Variants in PCSK6 observed in about 807,000 individuals in gnomAD.
PCSK6 encodes the protein paired basic amino acid cleaving enzyme 4.
PCSK6 carries 85 observed loss-of-function variants against 123.3 expected under a neutral mutation model. The observed-to-expected ratio is 0.69, with a 90% CI of 0.58 to 0.83. The LOEUF is 0.83. Among genes scored for constraint, PCSK6 ranks in the 40% least tolerant of loss-of-function variants. The probability of loss-of-function intolerance (pLI) is 0.00; values close to 1 mark genes in which losing one functional copy is unlikely to be tolerated. For missense variants in PCSK6, 1,191 were observed against 1,282.3 expected, an observed-to-expected ratio of 0.93 and a Z score of 1.09; for synonymous variants, 508 against 516.0, an observed-to-expected ratio of 0.98 and a Z score of 0.21.
chr15:101,337,510 AAAAT>A (rs1428016666), intron 13 of PCSK6: 1 of 152,246 alleles, frequency 6.6e-6, no homozygotes, highest in African/African-American at 2.4e-5. Context: ...AAGAAAAATA[AAAAT>A]AAATCACCTA....
chr15:101,452,816 G>GT (rs35966662), intron 1 of PCSK6, among the ~76,000 whole-genome samples: 106,529 of 151,902 alleles, frequency 0.7, 38,795 homozygotes, highest in African/African-American at 0.89. Flanking sequence ...AAGACCGGTG[G>GT]AATTCCCCGG....
chr15:101,326,242 C>T, intron 16 of PCSK6, 135 bp downstream of exon 16: 1 of 633,816 alleles, frequency 1.6e-6, no homozygotes. Context: ...AACTCCAAAG[C>T]AGTTAACTTC....
chr15:101,411,789 CTCACTGCTGGGGCATG>C (rs1332642926), intron 6 of PCSK6, among the ~76,000 whole-genome samples: 1 of 152,224 alleles, frequency 6.6e-6, no homozygotes, highest in Non-Finnish European at 1.5e-5. Context: ...GGTGCCCGAC[CTCACTGCTGGGGCATG>C]TCAGGAAACA....
At position 101,340,767 on chromosome 15, in the gene PCSK6, G is replaced by A. The variant is rs1485500495; in HGVS notation, c.1859-8736C>T. 2.1e-5 allele frequency among the ~76,000 whole-genome samples: 3 copies of A among 144,726 alleles called. No homozygotes were observed. In the Admixed American group the frequency reaches 2.1e-4, roughly 10 times the overall value. 94.9% of individuals were successfully genotyped at this position (144,726 alleles called of 152,430 possible). On this transcript the variant is annotated intron_variant, in intron 13 of 21. Transcript: ENST00000611716. ...CACATACTCACATGATCCCTCTCCCGCCCCCACCTCCCAATGTTCTAACAA... is the reference window on the plus strand; with the variant it reads ...CACATACTCACATGATCCCTCTCCCACCCCCACCTCCCAATGTTCTAACAA...
chr15:101,430,138 T>C (rs556721759), intron 4 of PCSK6, 75 bp from the exon 5 acceptor site: 20 of 1,192,830 alleles, frequency 1.7e-5, no homozygotes, highest in South Asian at 1.2e-4. Flanking sequence ...TTATGTTCCG[T>C]TGGCAAATAG....
intron 6 of PCSK6, among the ~76,000 whole-genome samples, chr15:101,423,450 C>T (rs1032657865): frequency 9.9e-5 from 15 of 151,784 alleles, no homozygotes; most frequent in African/African-American, 1.5e-4. Context: ...TTAGTAGAGA[C>T]GGGGTTTTAG....
intron 19 of PCSK6, among the ~76,000 whole-genome samples, chr15:101,314,159 AG>A (rs2039934613): frequency 6.6e-6 from 1 of 152,184 alleles, no homozygotes; most frequent in African/African-American, 2.4e-5. Flanking sequence ...CAAATGCCTA[AG>A]ACTAAGGGTT....
At chr15:101,465,794 C>A (rs1175584305) in intron 1 of PCSK6, among the ~76,000 whole-genome samples, 1 of 152,100 alleles carries the variant, frequency 6.6e-6, no homozygotes, top group Non-Finnish European at 1.5e-5. Context: ...GTATTGTAAT[C>A]TTTAAGGAAA....
chr15:101,394,128 C>CT (rs138896904), intron 7 of PCSK6, among the ~76,000 whole-genome samples: 10,786 of 129,860 alleles, frequency 0.083, 737 homozygotes, highest in African/African-American at 0.2. Flanking sequence ...GTTTTCTTTC[C>CT]GTTTTTTTGT....
intron 6 of PCSK6, among the ~76,000 whole-genome samples, chr15:101,422,485 G>C (rs529913605): frequency 6.6e-6 from 1 of 152,252 alleles, no homozygotes; most frequent in Non-Finnish European, 1.5e-5. Flanking sequence ...AAAGGGTCAT[G>C]GTCTAGGAGT....
intron 2 of PCSK6, among the ~76,000 whole-genome samples, chr15:101,439,204 G>C (rs986774232): frequency 2.0e-5 from 3 of 152,236 alleles, no homozygotes; most frequent in African/African-American, 7.2e-5. Flanking sequence ...GAGGCCGCTG[G>C]CACTGCAGTG....
intron 11 of PCSK6, among the ~76,000 whole-genome samples, chr15:101,376,039 A>C (rs546611007): frequency 6.6e-6 from 1 of 152,262 alleles, no homozygotes; most frequent in Admixed American, 6.5e-5. Flanking sequence ...ATCTCAAATA[A>C]AAACAAGTGT....
At chr15:101,372,389 T>C (rs1252673791) in intron 11 of PCSK6, among the ~76,000 whole-genome samples, 1 of 152,186 alleles carries the variant, frequency 6.6e-6, no homozygotes, top group African/African-American at 2.4e-5. Flanking sequence ...TCAAAACAGT[T>C]ATAAACAGTG....
intron 13 of PCSK6, among the ~76,000 whole-genome samples, chr15:101,353,368 C>A (rs113756836): frequency 6.6e-6 from 1 of 152,150 alleles, no homozygotes; most frequent in Admixed American, 6.5e-5. Context: ...TGACAGGGAG[C>A]AGCTGTAAAC....
At chr15:101,396,968 G>A (rs1399118832) in intron 7 of PCSK6, among the ~76,000 whole-genome samples, 1 of 152,140 alleles carries the variant, frequency 6.6e-6, no homozygotes, top group Non-Finnish European at 1.5e-5. Flanking sequence ...AGACCTGAGT[G>A]GTTGGGGGGT....
intron 1 of PCSK6, among the ~76,000 whole-genome samples, chr15:101,484,423 C>A (rs969804111): frequency 6.6e-6 from 1 of 151,994 alleles, no homozygotes; most frequent in African/African-American, 2.4e-5. Flanking sequence ...TCACTCTACT[C>A]GTCGGCCAGA....
At chr15:101,435,462 C>T (rs1413702327) in intron 2 of PCSK6, among the ~76,000 whole-genome samples, 2 of 152,194 alleles carry the variant, frequency 1.3e-5, no homozygotes, top group East Asian at 3.8e-4. Flanking sequence ...CTAGCCCAAA[C>T]AGAAACCGTC....
At position 101,320,458 on chromosome 15, in the gene PCSK6, C is replaced by T. The variant is rs542545314; in HGVS notation, c.2466-2036G>A. On this transcript the variant is annotated intron_variant, in intron 18 of 21. Coordinates refer to ENST00000611716, the MANE Select transcript of PCSK6 (RefSeq NM_002570.5). ...CTTGGTGTGTGGGGAAAAACCCACA[C>T]GTTTTGGCTACCAGAGGTGAAGTGT... is the stretch of plus-strand genomic sequence containing the variant. 1.9e-4 allele frequency among the ~76,000 whole-genome samples: 29 copies of T among 152,206 alleles called. No homozygotes were observed. In the South Asian group the frequency reaches 2.9e-3, roughly 15 times the overall value.
chr15:101,342,977 G>A (rs2040652542), intron 13 of PCSK6, among the ~76,000 whole-genome samples: 3 of 151,724 alleles, frequency 2.0e-5, no homozygotes, highest in Admixed American at 6.6e-5. Context: ...CTATCTAGAA[G>A]AATTTACAGA....
Sources: allele counts gnomAD v4.1 joint callset (sites outside exome capture counted in the v4.1 genomes callset), GRCh38; gene constraint gnomAD v4.1.1; transcripts MANE v1.5; gene names NCBI Gene and HGNC (gene_info 2026-07-23, HGNC 2026-07-21).